The following SHISA9 variants were observed in gnomAD, a reference collection of about 807,000 sequenced individuals.
SHISA9 encodes the protein shisa family member 9.
Under a neutral mutation model 38.0 loss-of-function variants are expected in SHISA9, and 13 were observed. The observed-to-expected ratio is 0.34, with a 90% confidence interval of 0.22 to 0.54. SHISA9 has a LOEUF of 0.54. SHISA9 is among the 20% of genes least tolerant of loss of function. The pLI is 0.91. For synonymous variants in SHISA9, 275 were observed against 242.0 expected (o/e 1.14, Z -1.27); for missense variants, 538 against 575.8 (o/e 0.93, Z 0.67).
the SHISA9 span, among the ~76,000 whole-genome samples, chr16:13,290,629 T>G: frequency 6.6e-6 from 1 of 152,144 alleles, no homozygotes; most frequent in Non-Finnish European, 1.5e-5. Flanking sequence ...AATGTTACCC[T>G]TTACAAGAAG....
chr16:13,257,638 C>T, the SHISA9 span, among the ~76,000 whole-genome samples: 5 of 152,158 alleles, frequency 3.3e-5, no homozygotes, highest in African/African-American at 1.2e-4. Flanking sequence ...AGTTTAAATA[C>T]CGTGGTTCTA....
the SHISA9 span, among the ~76,000 whole-genome samples, chr16:13,391,667 G>A: frequency 6.6e-6 from 1 of 152,140 alleles, no homozygotes; most frequent in African/African-American, 2.4e-5. Context: ...ATCAATTAAA[G>A]GGTGGAATCC....
the SHISA9 span, among the ~76,000 whole-genome samples, chr16:13,514,907 G>A: frequency 1.3e-5 from 2 of 152,104 alleles, no homozygotes; most frequent in Non-Finnish European, 2.9e-5. Flanking sequence ...TACACATTAT[G>A]TAAAAAGGAG....
the SHISA9 span, among the ~76,000 whole-genome samples, chr16:13,377,812 G>A: frequency 2.0e-5 from 3 of 152,312 alleles, no homozygotes; most frequent in Admixed American, 6.5e-5. Context: ...CGGATCACTT[G>A]AGGTCAGGAG....
intron 3 of SHISA9, among the ~76,000 whole-genome samples, chr16:13,209,277 G>A (rs2051096083): frequency 6.6e-6 from 1 of 152,102 alleles, no homozygotes; most frequent in Non-Finnish European, 1.5e-5. Context: ...ACATGCAATT[G>A]CCCACATTTC....
intron 2 of SHISA9, among the ~76,000 whole-genome samples, chr16:13,003,889 T>TAATAATAAGAAGAAG (rs770958492): frequency 1.9e-4 from 27 of 145,874 alleles, no homozygotes; most frequent in African/African-American, 6.5e-4. Flanking sequence ...ATAATAATAA[T>TAATAATAAGAAGAAG]AAGAAGAAGA....
chr16:13,271,345 C>T, the SHISA9 span, among the ~76,000 whole-genome samples: 2 of 152,114 alleles, frequency 1.3e-5, no homozygotes, highest in African/African-American at 4.8e-5. Flanking sequence ...GCTCCATCCC[C>T]AAGCCCATTA....
intron 2 of SHISA9, among the ~76,000 whole-genome samples, chr16:12,926,914 A>G (rs1438111399): frequency 6.6e-6 from 1 of 152,180 alleles, no homozygotes; most frequent in African/African-American, 2.4e-5. Context: ...AATTGCATAC[A>G]GGGAGAAGAG....
intron 2 of SHISA9, among the ~76,000 whole-genome samples, chr16:12,973,809 G>C (rs7201051): frequency 0.56 from 85,700 of 151,968 alleles, 24,457 homozygotes; most frequent in East Asian, 0.59. Context: ...ACTTCAGAAG[G>C]CTATGTTCTG....
intron 2 of SHISA9, among the ~76,000 whole-genome samples, chr16:13,196,501 CTG>C (rs977437171): frequency 4.0e-5 from 6 of 151,756 alleles, no homozygotes; most frequent in Non-Finnish European, 7.4e-5. Context: ...GTCTGAGAAA[CTG>C]TCACACGCAA....
At chr16:13,010,396 A>G (rs1351394513) in intron 2 of SHISA9, among the ~76,000 whole-genome samples, 4 of 152,204 alleles carry the variant, frequency 2.6e-5, no homozygotes, top group African/African-American at 9.6e-5. Context: ...AGTATCTTAG[A>G]CTTAGAGAAT....
intron 2 of SHISA9, among the ~76,000 whole-genome samples, chr16:13,068,993 TG>T (rs1266549309): frequency 2.0e-5 from 3 of 152,082 alleles, no homozygotes; most frequent in Non-Finnish European, 4.4e-5. Flanking sequence ...GTACATGCAA[TG>T]TGTGTATGTG....
At chr16:13,113,488 C>G (rs2074000307) in intron 2 of SHISA9, among the ~76,000 whole-genome samples, 2 of 152,136 alleles carry the variant, frequency 1.3e-5, no homozygotes, top group African/African-American at 2.4e-5. Flanking sequence ...TAGGAGAGGA[C>G]CAGCTTTGGT....
At chr16:13,243,561 G>A (rs2051450521), downstream of SHISA9, among the ~76,000 whole-genome samples, 1 of 152,086 alleles carries the variant, frequency 6.6e-6, no homozygotes, top group South Asian at 2.1e-4. Context: ...AGAGGTAGTG[G>A]AGTCCAAAGT....
chr16:13,499,993 A>G, the SHISA9 span, among the ~76,000 whole-genome samples: 3 of 152,212 alleles, frequency 2.0e-5, no homozygotes, highest in East Asian at 1.9e-4. Context: ...GACACAGACA[A>G]GCAAGCAAAT....
the SHISA9 span, among the ~76,000 whole-genome samples, chr16:13,423,525 G>A: frequency 8.0e-4 from 122 of 152,010 alleles, no homozygotes; most frequent in Middle Eastern, 6.8e-3. Flanking sequence ...TTTGGCTTTC[G>A]GGGACTAATC....
chr16:13,358,561 C>T, the SHISA9 span, among the ~76,000 whole-genome samples: 2 of 152,292 alleles, frequency 1.3e-5, no homozygotes, highest in Admixed American at 1.3e-4. Context: ...CTATCTCTTC[C>T]CATTTCCTTC....
the SHISA9 span, among the ~76,000 whole-genome samples, chr16:13,258,061 C>T: frequency 6.6e-6 from 1 of 152,178 alleles, no homozygotes; most frequent in Non-Finnish European, 1.5e-5. Flanking sequence ...GCTAGAAAAT[C>T]TTAGCATCTG....
chr16:13,416,743 AAAGGAAGGAAGGAAGG>A, the SHISA9 span, among the ~76,000 whole-genome samples: 1 of 113,524 alleles, frequency 8.8e-6, no homozygotes, highest in East Asian at 2.7e-4. Flanking sequence ...AGAAAGAAAG[AAAGGAAGGAAGGAAGG>A]AAGGAAGGAA....
Sources: gnomAD v4.1 joint callset for allele counts (sites outside exome capture counted in the v4.1 genomes callset) on GRCh38, gnomAD v4.1.1 for gene constraint, MANE v1.5 for transcripts, NCBI Gene and HGNC (gene_info 2026-07-23, HGNC 2026-07-21) for gene names.